Variants in NOL4 observed in about 807,000 individuals in gnomAD.
NOL4 encodes nucleolar protein 4.
NOL4 carries 17 observed loss-of-function variants against 75.9 expected under a neutral mutation model. The ratio of observed to expected loss-of-function variants is 0.22; its 90% CI spans 0.15 to 0.34. NOL4 has a LOEUF of 0.34. Among genes scored for constraint, NOL4 ranks in the 10% least tolerant of loss-of-function variants. The pLI, the probability that NOL4 is intolerant of heterozygous loss-of-function variation, is 1.00. For missense variants in NOL4, 614 were observed against 793.5 expected (o/e 0.77, Z 2.72); for synonymous variants, 292 against 289.9 (o/e 1.01, Z -0.07).
chr18:34,003,278 A>C (rs1380644260), intron 6 of NOL4, among the ~76,000 whole-genome samples: 1 of 151,994 alleles, frequency 6.6e-6, no homozygotes, highest in Admixed American at 6.6e-5. Context: ...TTTTATTATA[A>C]TTATCTATGT....
In NOL4 at chr18:34,223,035, T is replaced by A; in HGVS notation, c.219A>T (p.Gly73=). The A allele has an allele frequency of 1.2e-6, 2 of 1,613,080 alleles. No individual in the cohort carries two copies. Among genetic ancestry groups the A allele is most frequent in the Non-Finnish European group, 1.7e-6 (2 of 1,179,990 alleles). ...AGAGCACTTGCTTGGCGCCGCCGCCTCCCCCGCGGACCTCGTCCGGCTGGC... is the reference window on the plus strand; with the variant it reads ...AGAGCACTTGCTTGGCGCCGCCGCCACCCCCGCGGACCTCGTCCGGCTGGC... The part of the protein sequence containing the change: ...QLGQPDEVRG[G]GGGAKQVLYV... The change falls in exon 1 of 11, where the codon GGA becomes GGT. Residue 73 remains glycine, a synonymous_variant. Coordinates refer to ENST00000261592, the MANE Select transcript of NOL4 (RefSeq NM_003787.5).
intron 5 of NOL4, among the ~76,000 whole-genome samples, chr18:34,077,915 A>G (rs1017352586): frequency 2.0e-5 from 3 of 152,178 alleles, no homozygotes; most frequent in Admixed American, 1.3e-4. Context: ...GTAGGTTGGA[A>G]AACAAAGCAA....
intron 9 of NOL4, among the ~76,000 whole-genome samples, chr18:33,891,329 T>C (rs1033423672): frequency 8.5e-5 from 13 of 152,130 alleles, no homozygotes. Context: ...TGCTTTCATG[T>C]CCTCTTTAAC....
chr18:34,098,386 T>G (rs1206723974), intron 4 of NOL4, among the ~76,000 whole-genome samples: 2 of 151,494 alleles, frequency 1.3e-5, no homozygotes, highest in South Asian at 2.1e-4. Flanking sequence ...ACATGGAGAG[T>G]GAGAGGTCAC....
At chr18:34,074,478 T>C (rs1229508753) in intron 5 of NOL4, among the ~76,000 whole-genome samples, 1 of 151,980 alleles carries the variant, frequency 6.6e-6, no homozygotes, top group African/African-American at 2.4e-5. Flanking sequence ...TTGTTTTACT[T>C]AACTGATAAC....
At chr18:34,186,401 G>T (rs2146364713) in intron 1 of NOL4, among the ~76,000 whole-genome samples, 1 of 152,204 alleles carries the variant, frequency 6.6e-6, no homozygotes, top group Non-Finnish European at 1.5e-5. Context: ...TTAGAACTAG[G>T]GATTAGGTGA....
At chr18:34,067,532 G>C (rs757957667) in intron 5 of NOL4, among the ~76,000 whole-genome samples, 3 of 152,160 alleles carry the variant, frequency 2.0e-5, no homozygotes, top group Non-Finnish European at 4.4e-5. Context: ...CCAGGCAAAT[G>C]ATGAGATGGT....
intron 5 of NOL4, among the ~76,000 whole-genome samples, chr18:34,061,000 T>C (rs921542996): frequency 2.0e-5 from 3 of 152,208 alleles, no homozygotes; most frequent in Non-Finnish European, 4.4e-5. Context: ...ACATTCAGCA[T>C]TTTTTCTTCA....
At chr18:34,199,980 T>C (rs983898164) in intron 1 of NOL4, among the ~76,000 whole-genome samples, 4 of 151,878 alleles carry the variant, frequency 2.6e-5, no homozygotes, top group Non-Finnish European at 5.9e-5. Context: ...AGCTGGGATA[T>C]ATACATAATT....
intron 2 of NOL4, 103 bp from the exon 3 acceptor site, chr18:34,105,263 T>C (rs1441356859): frequency 1.3e-6 from 1 of 749,012 alleles, no homozygotes. Flanking sequence ...TATTCCATAA[T>C]GGCAGGAAGC....
chr18:34,117,071 G>C (rs1314809935), intron 2 of NOL4, among the ~76,000 whole-genome samples: 4 of 152,132 alleles, frequency 2.6e-5, no homozygotes, highest in African/African-American at 9.7e-5. Context: ...TTACATGGAC[G>C]AAAATGTCAC....
chr18:33,931,496 C>T (rs1450008983), intron 9 of NOL4, among the ~76,000 whole-genome samples: 3 of 151,946 alleles, frequency 2.0e-5, no homozygotes, highest in African/African-American at 4.8e-5. Context: ...TTTGGGAGGC[C>T]GAAGTTGGAG....
At chr18:34,162,799 T>G (rs1213085803) in intron 1 of NOL4, among the ~76,000 whole-genome samples, 1 of 152,162 alleles carries the variant, frequency 6.6e-6, no homozygotes, top group Non-Finnish European at 1.5e-5. Context: ...AAAAGAGAAT[T>G]TTAGACCAAT....
intron 1 of NOL4, among the ~76,000 whole-genome samples, chr18:34,147,028 T>G (rs1009398057): frequency 1.3e-5 from 2 of 152,138 alleles, no homozygotes; most frequent in African/African-American, 4.8e-5. Flanking sequence ...TTGTCTGTTA[T>G]TGGTGTATAG....
chr18:33,895,389 A>C (rs887837961), intron 9 of NOL4, among the ~76,000 whole-genome samples: 2 of 152,142 alleles, frequency 1.3e-5, no homozygotes, highest in Admixed American at 6.6e-5. Flanking sequence ...CTTTCCATTT[A>C]GTTATTAACC....
chr18:33,990,272 C>T (rs2072817504), intron 6 of NOL4, among the ~76,000 whole-genome samples: 1 of 152,044 alleles, frequency 6.6e-6, no homozygotes, highest in Admixed American at 6.6e-5. Flanking sequence ...CTGGTCACTA[C>T]CCAAAATGTA....
intron 3 of NOL4, among the ~76,000 whole-genome samples, chr18:34,104,777 A>G (rs982890792): frequency 1.3e-5 from 2 of 152,040 alleles, no homozygotes; most frequent in Non-Finnish European, 2.9e-5. Context: ...ATATATCTAA[A>G]ATAGCATGAA....
At chr18:33,969,990 C>A (rs758545276) in intron 6 of NOL4, among the ~76,000 whole-genome samples, 2 of 152,072 alleles carry the variant, frequency 1.3e-5, no homozygotes, top group African/African-American at 4.8e-5. Flanking sequence ...TTTTGTCATG[C>A]GTTGAAATCG....
chr18:34,222,824 G>T (rs2037416448), intron 1 of NOL4, 166 bp downstream of exon 1: 1 of 837,566 alleles, frequency 1.2e-6, no homozygotes, highest in Admixed American at 2.7e-5. Flanking sequence ...GGGAAAACGC[G>T]CCTGGCTAAT....
Sources: allele counts gnomAD v4.1 joint callset (sites outside exome capture counted in the v4.1 genomes callset), GRCh38; gene constraint gnomAD v4.1.1; transcripts MANE v1.5; gene names NCBI Gene and HGNC (gene_info 2026-07-23, HGNC 2026-07-21).